EFCAB14: variants seen among roughly 807,000 people sequenced by gnomAD.
EFCAB14 encodes the protein EF-hand calcium binding domain 14.
In EFCAB14, 43 loss-of-function variants were observed where a neutral mutation model predicts 56.5. The ratio of observed to expected loss-of-function variants is 0.76; its 90% CI spans 0.60 to 0.98. The LOEUF (loss-of-function observed/expected upper bound fraction) is 0.98. EFCAB14 is among the 50% of genes least tolerant of loss of function. EFCAB14 has a pLI of 0.00. For missense variants in EFCAB14, 538 were observed against 580.3 expected, an observed-to-expected ratio of 0.93 and a Z score of 0.75; for synonymous variants, 235 against 212.9, an observed-to-expected ratio of 1.10 and a Z score of -0.90.
intron 8 of EFCAB14, 127 bp from the exon 9 acceptor site, chr1:46,684,729 A>G: frequency 2.9e-6 from 2 of 686,482 alleles, no homozygotes; most frequent in Non-Finnish European, 5.0e-6. Flanking sequence ...TAAAGACAAT[A>G]AAAGAATGAA....
At chr1:46,715,813 C>T (rs907278462) in intron 2 of EFCAB14, among the ~76,000 whole-genome samples, 1 of 152,026 alleles carries the variant, frequency 6.6e-6, no homozygotes, top group Non-Finnish European at 1.5e-5. Flanking sequence ...AGTGTTACAA[C>T]ATTCAAGCAG....
intron 6 of EFCAB14, among the ~76,000 whole-genome samples, 176 bp from the exon 7 acceptor site, chr1:46,688,720 G>C (rs1676929705): frequency 6.6e-6 from 1 of 152,102 alleles, no homozygotes; most frequent in Admixed American, 6.5e-5. Flanking sequence ...TGCTCCTTTT[G>C]GAATTGTTTG....
At chr1:46,707,790 A>G in intron 3 of EFCAB14, 116 bp downstream of exon 3, 1 of 1,102,468 alleles carries the variant, frequency 9.1e-7, no homozygotes, top group Non-Finnish European at 1.2e-6. Flanking sequence ...CCCCATTTCA[A>G]AAAGTAAAAC....
chr1:46,687,970 T>C (rs1004172761), intron 7 of EFCAB14, among the ~76,000 whole-genome samples: 1 of 152,132 alleles, frequency 6.6e-6, no homozygotes, highest in African/African-American at 2.4e-5. Flanking sequence ...TTACTATCAT[T>C]TTCATGGCTC....
At chr1:46,716,089 A>T (rs1677385012) in intron 2 of EFCAB14, among the ~76,000 whole-genome samples, 1 of 151,976 alleles carries the variant, frequency 6.6e-6, no homozygotes, top group Non-Finnish European at 1.5e-5. Flanking sequence ...CTCTACTAAA[A>T]AGACAAAAAA....
chr1:46,686,154 T>C (rs3766224), intron 8 of EFCAB14, among the ~76,000 whole-genome samples: 60,785 of 152,020 alleles, frequency 0.4, 13,918 homozygotes, highest in East Asian at 0.78. Context: ...AATACTGTAA[T>C]CACACTTTCT....
chr1:46,707,780 C>T (rs529426383), intron 3 of EFCAB14, 126 bp downstream of exon 3: 129 of 900,416 alleles, frequency 1.4e-4, no homozygotes, highest in Non-Finnish European at 1.9e-4. Context: ...GTATGCAAAA[C>T]CCCATTTCAA....
intron 3 of EFCAB14, among the ~76,000 whole-genome samples, chr1:46,701,966 T>G (rs1385454662): frequency 2.0e-5 from 3 of 152,222 alleles, no homozygotes; most frequent in Non-Finnish European, 2.9e-5. Flanking sequence ...AAAATGGAGA[T>G]GAGGCACCCT....
At position 46,675,841 on chromosome 1, in the gene EFCAB14, A is replaced by G. The variant is rs1257597973; in HGVS notation, c.*2620T>C. 6.6e-6 allele frequency: 1 copy of G among 152,232 alleles called. No individual in the cohort carries two copies. The highest frequency in any genetic ancestry group is 1.5e-5 in the Non-Finnish European group (1 of 68,052). 9.4% of individuals were successfully genotyped at this position (152,232 alleles called of 1,614,324 possible). A position where few individuals can be genotyped will look rare whatever the true frequency, so the allele number is the denominator to read the frequency against. ...TGGGGAGGCTCTTTTAGTAAACATT[A>G]TACAAGATAGTACAAGGCAAAAGAA... On this transcript the variant is annotated 3_prime_UTR_variant, in exon 11 of 11. Coordinates refer to ENST00000371933, the MANE Select transcript of EFCAB14 (RefSeq NM_014774.3).
chr1:46,678,722 C>T, intron 10 of EFCAB14, 86 bp from the exon 11 acceptor site: 1 of 1,256,370 alleles, frequency 8.0e-7, no homozygotes, highest in Non-Finnish European at 1.1e-6. Flanking sequence ...ATTTAAAACA[C>T]TAAAAGAAAA....
At chr1:46,713,014 C>A (rs1677331274) in intron 2 of EFCAB14, among the ~76,000 whole-genome samples, 1 of 151,064 alleles carries the variant, frequency 6.6e-6, no homozygotes, top group South Asian at 2.1e-4. Flanking sequence ...AACTCCATCT[C>A]AAAAACAACC....
chr1:46,703,554 C>T (rs902236031), intron 3 of EFCAB14, among the ~76,000 whole-genome samples: 7 of 152,258 alleles, frequency 4.6e-5, no homozygotes, highest in Admixed American at 2.6e-4. Flanking sequence ...CTGAAAGAAG[C>T]CTATCTAACA....
chr1:46,688,401 C>G lies in EFCAB14; in HGVS notation c.939G>C (p.Val313=). The G allele has an allele frequency of 6.2e-7, 1 of 1,614,010 alleles. No individual in the cohort carries two copies. The highest frequency in any genetic ancestry group is 8.5e-7 in the Non-Finnish European group (1 of 1,179,916). Residue 313 remains valine, a synonymous_variant, in exon 7 of 11, where the codon GTG becomes GTC. Coordinates refer to ENST00000371933, the MANE Select transcript of EFCAB14 (RefSeq NM_014774.3). ...TQRVNLIESD[V]VAMSKVEKKA... ...TCTTTTCTACCTTGCTCATAGCAAC[C>G]ACATCGCTTTCTATCAGGTTGACTC...
At chr1:46,708,624 G>C (rs1677265914) in intron 2 of EFCAB14, among the ~76,000 whole-genome samples, 2 of 152,094 alleles carry the variant, frequency 1.3e-5, no homozygotes. Flanking sequence ...GCAAGGGGGA[G>C]GTTTTACCAC....
chr1:46,688,160 C>T (rs901417851), intron 7 of EFCAB14, among the ~76,000 whole-genome samples, 193 bp downstream of exon 7: 2 of 152,158 alleles, frequency 1.3e-5, no homozygotes, highest in East Asian at 1.9e-4. Context: ...CAAATCAGGA[C>T]AAACACTGCC....
intron 2 of EFCAB14, among the ~76,000 whole-genome samples, chr1:46,711,283 G>A (rs1323966976): frequency 5.3e-5 from 8 of 152,204 alleles, no homozygotes; most frequent in African/African-American, 1.9e-4. Flanking sequence ...TTTCAGTTAG[G>A]TTATAAAGAA....
intron 2 of EFCAB14, 148 bp downstream of exon 2, chr1:46,716,147 G>T: frequency 1.1e-6 from 1 of 895,094 alleles, no homozygotes; most frequent in Non-Finnish European, 1.6e-6. Context: ...TTACTCAGAA[G>T]GCTGACCATG....
At chr1:46,698,432 T>C (rs551389221) in intron 3 of EFCAB14, among the ~76,000 whole-genome samples, 15 of 152,056 alleles carry the variant, frequency 9.9e-5, no homozygotes, top group Non-Finnish European at 1.3e-4. Flanking sequence ...CACTTTTATA[T>C]AGAAAAATAT....
intron 7 of EFCAB14, among the ~76,000 whole-genome samples, chr1:46,687,576 T>C (rs181655112): frequency 9.3e-4 from 141 of 152,308 alleles, no homozygotes; most frequent in Middle Eastern, 3.4e-3. Context: ...TACTTGAATT[T>C]ATGGCACAAT....
Sources: gnomAD v4.1 joint callset for allele counts (sites outside exome capture counted in the v4.1 genomes callset) on GRCh38, gnomAD v4.1.1 for gene constraint, MANE v1.5 for transcripts, NCBI Gene and HGNC (gene_info 2026-07-23, HGNC 2026-07-21) for gene names.